PPARGC1A: variants seen among roughly 807,000 people sequenced by gnomAD.
The protein encoded by PPARGC1A is peroxisome proliferator-activated receptor gamma coactivator 1-alpha.
PPARGC1A carries 25 observed loss-of-function variants against 88.7 expected under a neutral mutation model. The ratio of observed to expected loss-of-function variants is 0.28; its 90% CI spans 0.21 to 0.39. The LOEUF is 0.39. Ranked by LOEUF, PPARGC1A falls within the 10% of genes least tolerant of loss-of-function variation. PPARGC1A has a pLI of 1.00. For missense variants in PPARGC1A, 880 were observed against 968.7 expected (o/e 0.91, Z 1.22); for synonymous variants, 363 against 355.6 (o/e 1.02, Z -0.24).
the PPARGC1A span, among the ~76,000 whole-genome samples, chr4:24,058,177 T>C: frequency 6.6e-6 from 1 of 152,166 alleles, no homozygotes; most frequent in Non-Finnish European, 1.5e-5. Flanking sequence ...GCTCCTGCTC[T>C]TCCTCAGCTG....
chr4:24,235,305 T>A, the PPARGC1A span, among the ~76,000 whole-genome samples: 1 of 152,168 alleles, frequency 6.6e-6, no homozygotes, highest in East Asian at 1.9e-4. Flanking sequence ...CATAAAGGTA[T>A]CTTGAAAACC....
At chr4:24,140,590 A>T in the PPARGC1A span, among the ~76,000 whole-genome samples, 1 of 152,228 alleles carries the variant, frequency 6.6e-6, no homozygotes, top group Non-Finnish European at 1.5e-5. Context: ...GAATGCCAGG[A>T]CTTGTGTGCA....
chr4:24,223,295 G>A, the PPARGC1A span, among the ~76,000 whole-genome samples: 2 of 148,990 alleles, frequency 1.3e-5, no homozygotes, highest in South Asian at 2.1e-4. Flanking sequence ...TGTGGCCCAG[G>A]CTGGAGTGCA....
chr4:24,185,733 AG>A, the PPARGC1A span, among the ~76,000 whole-genome samples: 1 of 152,186 alleles, frequency 6.6e-6, no homozygotes, highest in East Asian at 1.9e-4. Flanking sequence ...AAGTGGTAAA[AG>A]CACTAATGTG....
chr4:24,291,346 G>A, the PPARGC1A span, among the ~76,000 whole-genome samples: 1 of 152,112 alleles, frequency 6.6e-6, no homozygotes, highest in African/African-American at 2.4e-5. Context: ...GTGGACAAGA[G>A]GTCACATGCA....
At chr4:24,155,829 AT>A in the PPARGC1A span, among the ~76,000 whole-genome samples, 2 of 152,150 alleles carry the variant, frequency 1.3e-5, no homozygotes, top group Non-Finnish European at 2.9e-5. Context: ...GCGAACCATA[AT>A]GAGTTGGTCA....
the PPARGC1A span, among the ~76,000 whole-genome samples, chr4:23,917,199 C>A: frequency 6.6e-6 from 1 of 152,098 alleles, no homozygotes; most frequent in African/African-American, 2.4e-5. Context: ...AATGTATTAG[C>A]TAAACCCATG....
chr4:24,157,548 G>A, the PPARGC1A span, among the ~76,000 whole-genome samples: 4 of 152,118 alleles, frequency 2.6e-5, no homozygotes, highest in South Asian at 2.1e-4. Flanking sequence ...CTTCCTGGAT[G>A]AGTAGTTGAA....
intron 2 of PPARGC1A, 133 bp downstream of exon 2, chr4:23,884,619 G>T: frequency 1.5e-6 from 1 of 678,574 alleles, no homozygotes; most frequent in Non-Finnish European, 2.2e-6. Context: ...AAATTAGAAA[G>T]TATGTAACTG....
At chr4:24,073,967 C>A in the PPARGC1A span, among the ~76,000 whole-genome samples, 3 of 152,072 alleles carry the variant, frequency 2.0e-5, no homozygotes, top group African/African-American at 2.4e-5. Context: ...GTACCACTCC[C>A]AATGCAGGAC....
the PPARGC1A span, among the ~76,000 whole-genome samples, chr4:24,033,432 C>CACACAT: frequency 1.3e-4 from 20 of 151,766 alleles, no homozygotes; most frequent in African/African-American, 3.9e-4. Flanking sequence ...CACACACACA[C>CACACAT]GCATCCACGT....
At chr4:24,144,739 T>C in the PPARGC1A span, among the ~76,000 whole-genome samples, 1 of 151,986 alleles carries the variant, frequency 6.6e-6, no homozygotes, top group Admixed American at 6.6e-5. Flanking sequence ...TGCACCTTCA[T>C]TGTCACCTCA....
the PPARGC1A span, among the ~76,000 whole-genome samples, chr4:24,059,272 C>T: frequency 3.3e-5 from 5 of 152,312 alleles, no homozygotes; most frequent in African/African-American, 7.2e-5. Context: ...CATCTGGCCT[C>T]ACCAGACTCA....
At chr4:24,447,375 C>T in the PPARGC1A span, among the ~76,000 whole-genome samples, 2 of 152,110 alleles carry the variant, frequency 1.3e-5, no homozygotes, top group South Asian at 4.1e-4. Flanking sequence ...AGAAGTGAGA[C>T]AATCAGGGAA....
the PPARGC1A span, among the ~76,000 whole-genome samples, chr4:24,049,454 C>G: frequency 1.3e-5 from 2 of 151,032 alleles, no homozygotes; most frequent in Non-Finnish European, 2.9e-5. Flanking sequence ...AGGGATAAGT[C>G]AATACACTCC....
the PPARGC1A span, among the ~76,000 whole-genome samples, chr4:24,301,404 C>G: frequency 6.6e-6 from 1 of 151,934 alleles, no homozygotes; most frequent in Admixed American, 6.6e-5. Flanking sequence ...TGGCAAATTG[C>G]AAATAGCCCT....
chr4:23,844,433 A>G (rs1422266537), intron 2 of PPARGC1A, among the ~76,000 whole-genome samples: 3 of 128,536 alleles, frequency 2.3e-5, no homozygotes, highest in Admixed American at 1.8e-4. Flanking sequence ...TATTATATAT[A>G]TTATATATAA....
At chr4:24,458,426 A>C in the PPARGC1A span, among the ~76,000 whole-genome samples, 5 of 152,204 alleles carry the variant, frequency 3.3e-5, no homozygotes. Context: ...GCTTTAGCCC[A>C]GGAGGCAGAG....
At chr4:24,049,992 G>T in the PPARGC1A span, among the ~76,000 whole-genome samples, 1 of 152,128 alleles carries the variant, frequency 6.6e-6, no homozygotes, top group Admixed American at 6.5e-5. Context: ...CTTAATCAAG[G>T]AGTGACAGTG....
Sources: gnomAD v4.1 joint callset for allele counts (sites outside exome capture counted in the v4.1 genomes callset) on GRCh38, gnomAD v4.1.1 for gene constraint, MANE v1.5 for transcripts, NCBI Gene and HGNC (gene_info 2026-07-23, HGNC 2026-07-21) for gene names.